Variants in EFCAB11 observed in about 807,000 individuals in gnomAD.
EFCAB11 encodes the protein EF-hand calcium-binding domain-containing protein 11.
EFCAB11 carries 14 observed loss-of-function variants against 23.0 expected under a neutral mutation model. The observed-to-expected ratio is 0.61, with a 90% CI of 0.40 to 0.95. EFCAB11 has a LOEUF of 0.95. EFCAB11 is among the 40% of genes least tolerant of loss of function. The probability of loss-of-function intolerance (pLI) is 0.00; values close to 1 mark genes in which losing one functional copy is unlikely to be tolerated. For missense variants in EFCAB11, 198 were observed against 195.8 expected (o/e 1.01, Z -0.07); for synonymous variants, 65 against 66.6 (o/e 0.98, Z 0.11).
At chr14:89,923,654 T>C (rs2281750) in intron 5 of EFCAB11, 127,612 of 981,326 alleles carry the variant, frequency 0.13, 9,723 homozygotes, top group South Asian at 0.31. Flanking sequence ...TTTCTATACC[T>C]GGAAGCAGGC....
intron 5 of EFCAB11, chr14:89,924,510 T>C: frequency 6.9e-7 from 1 of 1,439,268 alleles, no homozygotes; most frequent in Non-Finnish European, 9.1e-7. Context: ...TAGCAGTGCT[T>C]ACAATGAGAT....
Position 89,954,655 on chromosome 14 carries a change from G to T in EFCAB11, c.6C>A (p.Phe2Leu). Reference protein sequence around the residue: MFFSEARARSRT... With the variant: MLFSEARARSRT... Reference sequence around the variant, plus strand: ...GCGACCTGGCTCTGGCCTCGGAGAAGAACATCGCGACTACAACAACCGAGC... The same window carrying T: ...GCGACCTGGCTCTGGCCTCGGAGAATAACATCGCGACTACAACAACCGAGC... The change falls in exon 1 of 6, where the codon TTC becomes TTA. Residue 2 changes from phenylalanine to leucine, a missense_variant. By Grantham distance (22) the Phe-to-Leu change is conservative. Coordinates refer to ENST00000316738, the MANE Select transcript of EFCAB11 (RefSeq NM_145231.4). 6.2e-7 allele frequency: 1 copy of T among 1,611,952 alleles called. No homozygotes were observed.
At chr14:89,917,962 C>T (rs543285034) in intron 5 of EFCAB11, among the ~76,000 whole-genome samples, 10 of 152,158 alleles carry the variant, frequency 6.6e-5, no homozygotes, top group South Asian at 2.1e-4. Context: ...TGGGGAAGAG[C>T]GAGAATCGAG....
At chr14:89,869,751 A>G (rs1315081781) in intron 5 of EFCAB11, among the ~76,000 whole-genome samples, 8 of 152,218 alleles carry the variant, frequency 5.3e-5, no homozygotes, top group Non-Finnish European at 8.8e-5. Flanking sequence ...TAGGTGGTAA[A>G]AACCTTCAGA....
chr14:89,854,361 A>T (rs1887687137), intron 5 of EFCAB11, among the ~76,000 whole-genome samples: 1 of 152,112 alleles, frequency 6.6e-6, no homozygotes, highest in South Asian at 2.1e-4. Context: ...GCAATGTGGT[A>T]GCTCCTCTCC....
chr14:89,945,141 T>C (rs1170273777), intron 3 of EFCAB11, among the ~76,000 whole-genome samples: 1 of 151,916 alleles, frequency 6.6e-6, no homozygotes, highest in Non-Finnish European at 1.5e-5. Context: ...GGTAGTAGTT[T>C]CTCATTTTTA....
intron 5 of EFCAB11, chr14:89,831,334 C>T (rs1886877576): frequency 6.6e-6 from 1 of 152,158 alleles, no homozygotes; most frequent in African/African-American, 2.4e-5. Flanking sequence ...AGATGTCTAT[C>T]TCACATTCAG....
At chr14:89,821,091 G>C (rs899136903) in intron 5 of EFCAB11, among the ~76,000 whole-genome samples, 2 of 151,912 alleles carry the variant, frequency 1.3e-5, no homozygotes, top group Admixed American at 6.6e-5. Context: ...CCAACTCCTG[G>C]GCTTGAGCAA....
intron 5 of EFCAB11, among the ~76,000 whole-genome samples, chr14:89,855,045 A>G (rs1887708692): frequency 6.6e-6 from 1 of 152,186 alleles, no homozygotes; most frequent in Non-Finnish European, 1.5e-5. Flanking sequence ...GAAAAATGGG[A>G]AAGAAAAAAG....
At chr14:89,851,881 G>A (rs910641805) in intron 5 of EFCAB11, among the ~76,000 whole-genome samples, 2 of 152,208 alleles carry the variant, frequency 1.3e-5, no homozygotes, top group East Asian at 3.9e-4. Context: ...AACATGCAGA[G>A]AGAGACCTAC....
intron 5 of EFCAB11, among the ~76,000 whole-genome samples, chr14:89,812,627 C>T (rs773499219): frequency 2.6e-5 from 4 of 152,102 alleles, no homozygotes; most frequent in Non-Finnish European, 5.9e-5. Flanking sequence ...GGAAAGGTCA[C>T]CTTGTATGTA....
chr14:89,818,734 T>C (rs1886413507), intron 5 of EFCAB11, among the ~76,000 whole-genome samples: 1 of 152,094 alleles, frequency 6.6e-6, no homozygotes, highest in Non-Finnish European at 1.5e-5. Flanking sequence ...AACAGATACT[T>C]CACTAAAGAA....
intron 5 of EFCAB11, among the ~76,000 whole-genome samples, chr14:89,801,801 C>T (rs1022570036): frequency 4.6e-5 from 7 of 152,116 alleles, no homozygotes; most frequent in Admixed American, 6.5e-5. Flanking sequence ...CAAGACCAGC[C>T]TGGGCAACAT....
Position 89,953,870 on chromosome 14 carries a change from G to A in EFCAB11, c.171+36C>T, listed in dbSNP as rs749037901. On this transcript the variant is annotated intron_variant, in intron 2 of 5. Coordinates refer to ENST00000316738, the MANE Select transcript of EFCAB11 (RefSeq NM_145231.4). ...TCTTAGGATCCATTCACCTTTGATC[G>A]TCTACCCCATCCCCAAATATATAAG... The A allele has an allele frequency of 7.1e-6, 11 of 1,558,502 alleles. No individual in the cohort carries two copies. In the East Asian group the frequency reaches 1.1e-4, roughly 16 times the overall value.
intron 5 of EFCAB11, among the ~76,000 whole-genome samples, chr14:89,808,345 C>T (rs1886040862): frequency 6.6e-6 from 1 of 152,088 alleles, no homozygotes; most frequent in Admixed American, 6.6e-5. Flanking sequence ...AAATACTCAC[C>T]AGTAAGTGAG....
chr14:89,880,073 T>A (rs1461503855), intron 5 of EFCAB11, among the ~76,000 whole-genome samples: 1 of 152,240 alleles, frequency 6.6e-6, no homozygotes, highest in Non-Finnish European at 1.5e-5. Flanking sequence ...TATACCTTTC[T>A]TAGTATTTAC....
At chr14:89,915,187 G>A (rs1889802747) in intron 5 of EFCAB11, among the ~76,000 whole-genome samples, 1 of 152,122 alleles carries the variant, frequency 6.6e-6, no homozygotes, top group Admixed American at 6.5e-5. Context: ...CTATTTCCAG[G>A]ATGGAGTCAG....
At chr14:89,836,431 A>T in intron 5 of EFCAB11, 1 of 382,628 alleles carries the variant, frequency 2.6e-6, no homozygotes, top group South Asian at 2.0e-5. Flanking sequence ...GTACCTTTGC[A>T]GGCCTCTTCC....
intron 5 of EFCAB11, among the ~76,000 whole-genome samples, chr14:89,869,585 G>C (rs891541155): frequency 6.6e-6 from 1 of 152,148 alleles, no homozygotes; most frequent in African/African-American, 2.4e-5. Flanking sequence ...GAATCCACAG[G>C]ACCGAGTGTG....
Sources: gnomAD v4.1 joint callset for allele counts (sites outside exome capture counted in the v4.1 genomes callset) on GRCh38, gnomAD v4.1.1 for gene constraint, MANE v1.5 for transcripts, NCBI Gene and HGNC (gene_info 2026-07-23, HGNC 2026-07-21) for gene names.